MACROD2: variants seen among roughly 807,000 people sequenced by gnomAD.
The protein encoded by MACROD2 is ADP-ribose glycohydrolase MACROD2.
Under a neutral mutation model 70.4 loss-of-function variants are expected in MACROD2, and 36 were observed. The ratio of observed to expected loss-of-function variants is 0.51; its 90% CI spans 0.39 to 0.68. The LOEUF (loss-of-function observed/expected upper bound fraction) is 0.68, where lower values mean the gene tolerates loss of function less well. Ranked by LOEUF, MACROD2 falls within the 30% of genes least tolerant of loss-of-function variation. MACROD2 has a pLI of 0.00. For synonymous variants in MACROD2, 172 were observed against 178.8 expected (o/e 0.96, Z 0.30); for missense variants, 496 against 538.4 (o/e 0.92, Z 0.78).
At chr20:15,214,116 C>A (rs1472520755) in intron 5 of MACROD2, among the ~76,000 whole-genome samples, 1 of 152,088 alleles carries the variant, frequency 6.6e-6, no homozygotes, top group Non-Finnish European at 1.5e-5. Flanking sequence ...TTCTCCAGCT[C>A]TTTTTCCTAT....
At chr20:15,178,743 A>G (rs1288938674) in intron 5 of MACROD2, among the ~76,000 whole-genome samples, 3 of 152,216 alleles carry the variant, frequency 2.0e-5, no homozygotes, top group African/African-American at 7.2e-5. Context: ...GCAGAATAAA[A>G]TGTTACAAAT....
At chr20:14,856,685 GT>G (rs1315580606) in intron 5 of MACROD2, among the ~76,000 whole-genome samples, 1 of 152,058 alleles carries the variant, frequency 6.6e-6, no homozygotes, top group African/African-American at 2.4e-5. Context: ...GATTCAGCAG[GT>G]TTTGGACAAA....
At chr20:14,502,848 A>G (rs1266355326) in intron 4 of MACROD2, among the ~76,000 whole-genome samples, 2 of 152,218 alleles carry the variant, frequency 1.3e-5, no homozygotes, top group African/African-American at 4.8e-5. Context: ...TTTTTCCTAC[A>G]AATATGGATA....
At chr20:15,761,059 G>T (rs1283270602) in intron 8 of MACROD2, among the ~76,000 whole-genome samples, 1 of 152,134 alleles carries the variant, frequency 6.6e-6, no homozygotes, top group Non-Finnish European at 1.5e-5. Context: ...GTTTTATTTT[G>T]TTTTGAGACG....
At chr20:15,705,263 A>T (rs1026750255) in intron 8 of MACROD2, among the ~76,000 whole-genome samples, 2 of 152,212 alleles carry the variant, frequency 1.3e-5, no homozygotes, top group African/African-American at 4.8e-5. Flanking sequence ...AACATGTCAG[A>T]CCAATTAAAT....
At chr20:15,672,348 T>TACACACACACACACAC (rs3071295) in intron 8 of MACROD2, among the ~76,000 whole-genome samples, 20 of 141,862 alleles carry the variant, frequency 1.4e-4, no homozygotes, top group South Asian at 7.2e-4. Flanking sequence ...TGTTCTATTT[T>TACACACACACACACAC]ACACACACAC....
At chr20:14,970,961 T>A (rs1250333410) in intron 5 of MACROD2, among the ~76,000 whole-genome samples, 7 of 152,198 alleles carry the variant, frequency 4.6e-5, no homozygotes, top group Non-Finnish European at 2.9e-5. Flanking sequence ...TTAGCTATGA[T>A]ACTTACACTA....
At chr20:15,822,782 A>C (rs1453695551) in intron 8 of MACROD2, among the ~76,000 whole-genome samples, 1 of 152,140 alleles carries the variant, frequency 6.6e-6, no homozygotes, top group Non-Finnish European at 1.5e-5. Flanking sequence ...AAAGGAAGAG[A>C]TTTTAGAGAC....
intron 3 of MACROD2, among the ~76,000 whole-genome samples, chr20:14,118,892 T>C: frequency 6.7e-6 from 1 of 150,314 alleles, no homozygotes. Context: ...CTTACCCAGA[T>C]TGGAGTGCAA....
At chr20:15,972,673 G>C (rs148307238) in intron 13 of MACROD2, among the ~76,000 whole-genome samples, 114 of 152,140 alleles carry the variant, frequency 7.5e-4, no homozygotes, top group African/African-American at 2.7e-3. Flanking sequence ...AGCAAGGCAC[G>C]GTGGTGGGCA....
Position 14,037,414 on chromosome 20 carries a change from A to G in MACROD2, c.163+35010A>G, listed in dbSNP as rs371282923. ...TTCATGCAATTATAAATGAATACCA[A>G]TGTCCTATTCAGTAATTAGTAAAGG... On this transcript the variant is annotated intron_variant, in intron 2 of 17. Coordinates refer to ENST00000684519, the MANE Select transcript of MACROD2 (RefSeq NM_001351661.2). Among the ~76,000 whole-genome samples, 10 of 152,334 alleles carry G rather than the reference A, an allele frequency of 6.6e-5. No homozygotes were observed. The East Asian group carries it at 1.2e-3, about 18-fold the overall frequency.
intron 4 of MACROD2, among the ~76,000 whole-genome samples, chr20:14,649,790 G>T (rs1985583838): frequency 6.6e-6 from 1 of 152,122 alleles, no homozygotes; most frequent in Non-Finnish European, 1.5e-5. Context: ...GAATACCGAG[G>T]CTAATACCAG....
chr20:14,713,114 T>G lies in MACROD2; in HGVS notation c.418+28155T>G, dbSNP rs113040584. ...TTAAAAGAAGTTTCTTGTGTGAGTG[T>G]GTGTGTGTGAATGAGTGTGAAAATG... On this transcript the variant is annotated intron_variant, in intron 5 of 17. Coordinates refer to ENST00000684519, the MANE Select transcript of MACROD2 (RefSeq NM_001351661.2). 6.4e-3 allele frequency among the ~76,000 whole-genome samples: 982 copies of G among 152,256 alleles called. 14 individuals carry two copies. The highest frequency in any genetic ancestry group is 0.023 in the African/African-American group (943 of 41,542).
intron 5 of MACROD2, among the ~76,000 whole-genome samples, chr20:14,919,968 A>G (rs8117703): frequency 0.23 from 34,918 of 151,998 alleles, 4,220 homozygotes; most frequent in African/African-American, 0.28. Flanking sequence ...AGCCTGCTGA[A>G]TCTAGCTCCT....
At chr20:15,293,872 C>G (rs1011166034) in intron 6 of MACROD2, among the ~76,000 whole-genome samples, 1 of 152,246 alleles carries the variant, frequency 6.6e-6, no homozygotes, top group Middle Eastern at 3.4e-3. Flanking sequence ...AATCCCAGCA[C>G]TTTGGGAGGC....
At chr20:15,993,048 A>G (rs914484883) in intron 15 of MACROD2, among the ~76,000 whole-genome samples, 2 of 145,678 alleles carry the variant, frequency 1.4e-5, no homozygotes, top group African/African-American at 5.0e-5. Flanking sequence ...AATTATTAAC[A>G]TTTGTTCCTT....
At chr20:14,701,839 T>C (rs914774376) in intron 5 of MACROD2, among the ~76,000 whole-genome samples, 2 of 152,190 alleles carry the variant, frequency 1.3e-5, no homozygotes. Flanking sequence ...CAGATACTTC[T>C]GCAATATTAT....
chr20:14,594,717 C>A (rs1409640732), intron 4 of MACROD2, among the ~76,000 whole-genome samples: 6 of 152,136 alleles, frequency 3.9e-5, no homozygotes, highest in Non-Finnish European at 1.5e-5. Flanking sequence ...TATGGTGAAA[C>A]CCTGTCTCTA....
chr20:15,124,365 TA>T (rs1216565646), intron 5 of MACROD2, among the ~76,000 whole-genome samples: 9 of 147,070 alleles, frequency 6.1e-5, no homozygotes, highest in Non-Finnish European at 1.2e-4. Context: ...TTTTTTTTTC[TA>T]AAAAAAAGGC....
Sources: allele counts gnomAD v4.1 joint callset (sites outside exome capture counted in the v4.1 genomes callset), GRCh38; gene constraint gnomAD v4.1.1; transcripts MANE v1.5; gene names NCBI Gene and HGNC (gene_info 2026-07-23, HGNC 2026-07-21).